NEGR1: variants seen among roughly 807,000 people sequenced by gnomAD.
NEGR1 encodes IgLON family member 4.
Under a neutral mutation model 40.9 loss-of-function variants are expected in NEGR1, and 10 were observed. The observed-to-expected ratio is 0.24, with a 90% CI of 0.15 to 0.42. The LOEUF (loss-of-function observed/expected upper bound fraction) is 0.42. NEGR1 is among the 10% of genes least tolerant of loss of function. The probability of loss-of-function intolerance (pLI) is 1.00; values close to 1 mark genes in which losing one functional copy is unlikely to be tolerated. For missense variants in NEGR1, 352 were observed against 438.9 expected (o/e 0.80, Z 1.77); for synonymous variants, 185 against 166.8 (o/e 1.11, Z -0.84).
At chr1:71,898,634 G>T (rs78357037) in intron 2 of NEGR1, among the ~76,000 whole-genome samples, 7,322 of 150,048 alleles carry the variant, frequency 0.049, 213 homozygotes, top group Non-Finnish European at 0.062. Context: ...AGAAACAAAA[G>T]AAACAAATAA....
At position 72,154,205 on chromosome 1, in the gene NEGR1, G is replaced by A. The variant is rs141855988; in HGVS notation, c.176+128114C>T. On this transcript the variant is annotated intron_variant, in intron 1 of 6. Transcript: ENST00000357731. ...ATAGGTTTGATGCAATGAAGAGGGA[G>A]ACAATTAAGACACAGAAGTGAACAT... Among the ~76,000 whole-genome samples the A allele has an allele frequency of 1.1e-4, 16 of 151,616 alleles. No homozygotes were observed. The East Asian group carries it at 1.8e-3, about 17-fold the overall frequency.
At chr1:71,988,011 C>T (rs184971779) in intron 1 of NEGR1, among the ~76,000 whole-genome samples, 2 of 152,204 alleles carry the variant, frequency 1.3e-5, no homozygotes, top group African/African-American at 4.8e-5. Context: ...GAGTCTGTTT[C>T]TTGTTCCCTA....
intron 1 of NEGR1, among the ~76,000 whole-genome samples, chr1:72,031,679 C>T (rs773837046): frequency 6.6e-6 from 1 of 152,070 alleles, no homozygotes; most frequent in Non-Finnish European, 1.5e-5. Context: ...GGTGAGAATA[C>T]TGAACACTGA....
intron 4 of NEGR1, among the ~76,000 whole-genome samples, chr1:71,613,458 C>T (rs1032274671): frequency 6.6e-6 from 1 of 151,812 alleles, no homozygotes; most frequent in East Asian, 1.9e-4. Context: ...ACCAGCCTGG[C>T]CAACGTGGTG....
At chr1:71,721,231 C>T (rs1483572687) in intron 3 of NEGR1, among the ~76,000 whole-genome samples, 2 of 152,100 alleles carry the variant, frequency 1.3e-5, no homozygotes, top group Non-Finnish European at 2.9e-5. Context: ...TACAAAAAGT[C>T]GAATCCCTTG....
At position 71,406,819 on chromosome 1, in the gene NEGR1, A is replaced by G. The variant is rs1012881536; in HGVS notation, c.*627T>C. 1.3e-5 allele frequency: 2 copies of G among 152,488 alleles called. No individual in the cohort carries two copies. Among genetic ancestry groups the G allele is most frequent in the Non-Finnish European group, 1.5e-5 (1 of 67,946 alleles). The allele number at this position is 152,488 out of a possible 1,614,324, so 9.4% of individuals were successfully genotyped here. On this transcript the variant is annotated 3_prime_UTR_variant, in exon 7 of 7. Coordinates refer to ENST00000357731, the MANE Select transcript of NEGR1 (RefSeq NM_173808.3). Reference sequence around the variant, plus strand: ...ATTAGTTGGAGACAAAGAGAAAAATATTATTGTATGAAGGCACACCCATGC... The same window carrying G: ...ATTAGTTGGAGACAAAGAGAAAAATGTTATTGTATGAAGGCACACCCATGC...
At chr1:71,474,338 C>G (rs1410691971) in intron 6 of NEGR1, among the ~76,000 whole-genome samples, 2 of 143,250 alleles carry the variant, frequency 1.4e-5, no homozygotes, top group Non-Finnish European at 3.0e-5. Flanking sequence ...AAATTTAAAA[C>G]AGCATGAGGA....
At chr1:71,460,447 G>T (rs1016074651) in intron 6 of NEGR1, among the ~76,000 whole-genome samples, 2 of 152,122 alleles carry the variant, frequency 1.3e-5, no homozygotes, top group African/African-American at 4.8e-5. Context: ...AGGCAGCTAC[G>T]TTTCTTCACC....
At chr1:71,887,955 T>A (rs896394078) in intron 2 of NEGR1, among the ~76,000 whole-genome samples, 35 of 149,266 alleles carry the variant, frequency 2.3e-4, no homozygotes, top group Non-Finnish European at 2.1e-4. Context: ...CAATGGGTAG[T>A]ACCAAAGAAA....
At chr1:71,954,183 G>A (rs1646097208) in intron 1 of NEGR1, among the ~76,000 whole-genome samples, 1 of 151,904 alleles carries the variant, frequency 6.6e-6, no homozygotes, top group African/African-American at 2.4e-5. Flanking sequence ...GGGACACCAA[G>A]AGAAACACAG....
At chr1:71,856,883 T>A (rs1659784932) in intron 2 of NEGR1, among the ~76,000 whole-genome samples, 1 of 152,020 alleles carries the variant, frequency 6.6e-6, no homozygotes, top group African/African-American at 2.4e-5. Flanking sequence ...TTATCATGAG[T>A]TAAGTCAAGA....
chr1:71,997,641 A>G (rs1646516660), intron 1 of NEGR1, among the ~76,000 whole-genome samples: 2 of 151,992 alleles, frequency 1.3e-5, no homozygotes. Context: ...AATCTATTAT[A>G]GTACCTTGTA....
intron 1 of NEGR1, among the ~76,000 whole-genome samples, chr1:72,256,386 G>A (rs1168941747): frequency 4.6e-5 from 7 of 152,172 alleles, no homozygotes; most frequent in African/African-American, 1.7e-4. Flanking sequence ...CTATGCACCA[G>A]CTGGCCAGAT....
intron 2 of NEGR1, among the ~76,000 whole-genome samples, chr1:71,805,362 G>C (rs1657725788): frequency 6.6e-6 from 1 of 152,024 alleles, no homozygotes; most frequent in Non-Finnish European, 1.5e-5. Context: ...ATAAAAACTT[G>C]CTGGTTTTAC....
At chr1:71,483,090 G>A (rs72674997) in intron 6 of NEGR1, among the ~76,000 whole-genome samples, 3 of 151,772 alleles carry the variant, frequency 2.0e-5, no homozygotes, top group East Asian at 2.0e-4. Context: ...GTCAGTGAGA[G>A]GCCATGTGGA....
chr1:72,181,112 C>T (rs1652350998), intron 1 of NEGR1, among the ~76,000 whole-genome samples: 1 of 152,064 alleles, frequency 6.6e-6, no homozygotes, highest in Non-Finnish European at 1.5e-5. Flanking sequence ...AGGCATTGGC[C>T]TTTAAGGTTT....
intron 2 of NEGR1, among the ~76,000 whole-genome samples, chr1:71,901,666 A>ATTTT (rs33958971): frequency 8.6e-5 from 10 of 115,858 alleles, no homozygotes; most frequent in African/African-American, 2.4e-4. Flanking sequence ...TGAGATATAA[A>ATTTT]TTTTTTTTTT....
intron 1 of NEGR1, among the ~76,000 whole-genome samples, chr1:72,116,894 A>AATATT (rs899236486): frequency 4.6e-5 from 7 of 151,808 alleles, no homozygotes; most frequent in Non-Finnish European, 8.8e-5. Flanking sequence ...TGATAACAAG[A>AATATT]ATATTAATTG....
chr1:72,125,753 T>C (rs1649991343), intron 1 of NEGR1, among the ~76,000 whole-genome samples: 1 of 152,066 alleles, frequency 6.6e-6, no homozygotes, highest in Admixed American at 6.6e-5. Flanking sequence ...TCACATAAAA[T>C]AAAAAAATAG....
Sources: gnomAD v4.1 joint callset for allele counts (sites outside exome capture counted in the v4.1 genomes callset) on GRCh38, gnomAD v4.1.1 for gene constraint, MANE v1.5 for transcripts, NCBI Gene and HGNC (gene_info 2026-07-23, HGNC 2026-07-21) for gene names.